HYKK: variants seen among roughly 807,000 people sequenced by gnomAD.
The protein encoded by HYKK is hydroxylysine kinase.
Under a neutral mutation model 29.7 loss-of-function variants are expected in HYKK, and 19 were observed. The ratio of observed to expected loss-of-function variants is 0.64; its 90% confidence interval spans 0.45 to 0.94. The LOEUF is 0.94. Among genes scored for constraint, HYKK ranks in the 40% least tolerant of loss-of-function variants. The pLI is 0.00. For synonymous variants in HYKK, 152 were observed against 158.1 expected (o/e 0.96, Z 0.29); for missense variants, 390 against 443.4 (o/e 0.88, Z 1.08).
chr15:78,523,406 T>A (rs887509613), intron 3 of HYKK, among the ~76,000 whole-genome samples: 1 of 152,044 alleles, frequency 6.6e-6, no homozygotes, highest in African/African-American at 2.4e-5. Flanking sequence ...TGCTAAGCCA[T>A]TCATGAGAAA....
chr15:78,518,828 T>A, intron 3 of HYKK: 1 of 254,096 alleles, frequency 3.9e-6, no homozygotes. Context: ...GACAGGAGAA[T>A]CACTTGAACC....
At position 78,535,538 on chromosome 15, in the gene HYKK, C is replaced by T. The variant is rs1033480787; in HGVS notation, c.*1868C>T. 1.3e-5 allele frequency: 2 copies of T among 152,076 alleles called. No individual in the cohort carries two copies. Among genetic ancestry groups the T allele is most frequent in the African/African-American group, 4.8e-5 (2 of 41,408 alleles). The allele number at this position is 152,076 out of a possible 1,614,324, so 9.4% of individuals were successfully genotyped here. On this transcript the variant is annotated 3_prime_UTR_variant, in exon 5 of 5. Coordinates refer to ENST00000388988, the MANE Select transcript of HYKK (RefSeq NM_001013619.4). Reference sequence around the variant, plus strand: ...CAAGTGCTTAACACAGTGTGTGGCACATAGTTAGGACTCAGTAACTATTTA... The same window carrying T: ...CAAGTGCTTAACACAGTGTGTGGCATATAGTTAGGACTCAGTAACTATTTA...
intron 3 of HYKK, among the ~76,000 whole-genome samples, chr15:78,526,911 C>T (rs2052260071): frequency 6.6e-6 from 1 of 152,104 alleles, no homozygotes; most frequent in African/African-American, 2.4e-5. Flanking sequence ...CAGTCTAGAG[C>T]AGGTAGTCTT....
intron 3 of HYKK, among the ~76,000 whole-genome samples, chr15:78,517,349 C>T (rs891678674): frequency 1.1e-4 from 16 of 151,976 alleles, no homozygotes; most frequent in African/African-American, 3.4e-4. Flanking sequence ...CTGAGGCAGG[C>T]GGATCACTTG....
intron 1 of HYKK, among the ~76,000 whole-genome samples, chr15:78,508,880 CAA>C (rs71148531): frequency 1.8e-5 from 1 of 55,610 alleles, no homozygotes; most frequent in Non-Finnish European, 3.1e-5. Flanking sequence ...CCTCTCTCTC[CAA>C]AAAAAAAAAA....
chr15:78,535,602 A>G lies in HYKK; in HGVS notation c.*1932A>G, dbSNP rs1596037375. On this transcript the variant is annotated 3_prime_UTR_variant, in exon 5 of 5. Coordinates refer to ENST00000388988, the MANE Select transcript of HYKK (RefSeq NM_001013619.4). ...CCATATTCCAGGTTACCCAAACTCA[A>G]AATATTGGAGTAATTTTTTGCTTGC... The G allele has an allele frequency of 6.6e-6, 1 of 152,310 alleles. No individual in the cohort carries two copies. The highest frequency in any genetic ancestry group is 2.1e-4 in the South Asian group (1 of 4,828). 9.4% of individuals were successfully genotyped at this position (152,310 alleles called of 1,614,324 possible). A position where few individuals can be genotyped will look rare whatever the true frequency, so the allele number is the denominator to read the frequency against.
At chr15:78,533,135 C>A in intron 4 of HYKK, 75 bp from the exon 5 acceptor site, 1 of 912,592 alleles carries the variant, frequency 1.1e-6, no homozygotes, top group Non-Finnish European at 1.7e-6. Context: ...TATGGCTTTG[C>A]CTATGAAAGA....
Position 78,527,355 on chromosome 15 carries a change from T to C in HYKK, c.478-25T>C, listed in dbSNP as rs779153622. ...AGCAGTGGTTGCTCTGTCAAGAGACTAAGAATATCTCGCTTTTGATTTAGA... is the reference window on the plus strand; with the variant it reads ...AGCAGTGGTTGCTCTGTCAAGAGACCAAGAATATCTCGCTTTTGATTTAGA... On this transcript the variant is annotated intron_variant, in intron 3 of 4. Transcript: ENST00000388988. 3 of 1,598,382 alleles carry C rather than the reference T, an allele frequency of 1.9e-6. No homozygotes were observed. In the South Asian group the frequency reaches 3.3e-5, roughly 18 times the overall value.
chr15:78,527,541 C>T lies in HYKK; in HGVS notation c.639C>T (p.Thr213=). The T allele has an allele frequency of 6.2e-7, 1 of 1,613,576 alleles. No homozygotes were observed. The part of the protein sequence containing the change: ...VIHLFKEEVM[T]KLSHFRECIN... ...ATCTGTTCAAGGAGGAAGTAATGACCAAATTAAGTCATTTTCGAGAATGTG... is the reference window on the plus strand; with the variant it reads ...ATCTGTTCAAGGAGGAAGTAATGACTAAATTAAGTCATTTTCGAGAATGTG... The change falls in exon 4 of 5, where the codon ACC becomes ACT. Residue 213 remains threonine (T), a synonymous_variant. Transcript: ENST00000388988.
At chr15:78,513,688 G>T (rs2052098718) in intron 2 of HYKK, among the ~76,000 whole-genome samples, 1 of 152,204 alleles carries the variant, frequency 6.6e-6, no homozygotes, top group African/African-American at 2.4e-5. Flanking sequence ...GTTTAGAAAG[G>T]CCCTGACAGA....
intron 3 of HYKK, among the ~76,000 whole-genome samples, chr15:78,519,475 C>G (rs1368105672): frequency 6.6e-6 from 1 of 152,072 alleles, no homozygotes; most frequent in Admixed American, 6.6e-5. Flanking sequence ...AACCTTTGAA[C>G]TGGGCCGGGC....
intron 1 of HYKK, among the ~76,000 whole-genome samples, chr15:78,510,581 C>T (rs1166573280): frequency 6.6e-6 from 1 of 152,090 alleles, no homozygotes. Context: ...TCTGGTATAT[C>T]TCCCTGAATG....
intron 4 of HYKK, chr15:78,527,859 G>C (rs1270031274): frequency 1.1e-5 from 6 of 524,376 alleles, no homozygotes; most frequent in Non-Finnish European, 1.6e-5. Flanking sequence ...TTATATCAAT[G>C]GTATCACACT....
rs535957455 is a variant in HYKK at position 78,519,004 on chromosome 15, C to T, written c.477+3897C>T. 9.2e-5 allele frequency among the ~76,000 whole-genome samples: 14 copies of T among 151,642 alleles called. No individual in the cohort carries two copies. In the South Asian group the frequency reaches 2.7e-3, roughly 29 times the overall value. ...GATCCTCAAATAGAAATATTGTAAC[C>T]TTTTTTTCTGAGTAAAAATCCTTCC... On this transcript the variant is annotated intron_variant, in intron 3 of 4. Transcript: ENST00000388988.
intron 3 of HYKK, among the ~76,000 whole-genome samples, chr15:78,516,199 G>A (rs2052130741): frequency 6.6e-6 from 1 of 151,962 alleles, no homozygotes; most frequent in Non-Finnish European, 1.5e-5. Context: ...TATTGACTGA[G>A]TACCTTTTAT....
In HYKK at chr15:78,535,931, G is replaced by A. The variant is rs1483653666; in HGVS notation, c.*2261G>A. On this transcript the variant is annotated 3_prime_UTR_variant, in exon 5 of 5. Transcript: ENST00000388988. Reference sequence around the variant, plus strand: ...AGGGTCTCACTATGTTGCCCAGGCTGGTCTCAAACCCCTGGACTCAAGCAA... The same window carrying A: ...AGGGTCTCACTATGTTGCCCAGGCTAGTCTCAAACCCCTGGACTCAAGCAA... 1 of 152,146 alleles carries A rather than the reference G, an allele frequency of 6.6e-6. No individual in the cohort carries two copies. The highest frequency in any genetic ancestry group is 2.4e-5 in the African/African-American group (1 of 41,402). The allele number at this position is 152,146 out of a possible 1,614,324, so 9.4% of individuals were successfully genotyped here. A position where few individuals can be genotyped will look rare whatever the true frequency, so the allele number is the denominator to read the frequency against.
intron 1 of HYKK, among the ~76,000 whole-genome samples, chr15:78,511,931 T>C (rs1401371755): frequency 6.6e-6 from 1 of 152,216 alleles, no homozygotes; most frequent in East Asian, 1.9e-4. Flanking sequence ...GCTGTAGTAA[T>C]TTCTCTCCCT....
At chr15:78,516,605 C>T (rs62008174) in intron 3 of HYKK, among the ~76,000 whole-genome samples, 48,990 of 151,852 alleles carry the variant, frequency 0.32, 8,755 homozygotes, top group Non-Finnish European at 0.42. Flanking sequence ...CCGCCTCTGC[C>T]TCCCAAAGTG....
In HYKK at chr15:78,513,389, A is replaced by T; in HGVS notation, c.301A>T (p.Thr101Ser). The change falls in exon 2 of 5, where the codon ACT becomes TCT. Residue 101 changes from threonine (T) to serine (S), a missense_variant. Thr to Ser is a moderately conservative substitution (Grantham distance 58). Coordinates refer to ENST00000388988, the MANE Select transcript of HYKK (RefSeq NM_001013619.4). ...ATTTCCAACAGCCTCTGTGTGTCAC[A>T]CTAAAGGAGACAACACAGCTTCTCT... ...AGFPTASVCH[T>S]KGDNTASLVS... 6.2e-7 allele frequency: 1 copy of T among 1,613,956 alleles called. No individual in the cohort carries two copies.
Sources: gnomAD v4.1 joint callset for allele counts (sites outside exome capture counted in the v4.1 genomes callset) on GRCh38, gnomAD v4.1.1 for gene constraint, MANE v1.5 for transcripts, NCBI Gene and HGNC (gene_info 2026-07-23, HGNC 2026-07-21) for gene names.